GRK3: variants seen among roughly 807,000 people sequenced by gnomAD.
GRK3 encodes the protein adrenergic, beta, receptor kinase 2.
In GRK3, 54 loss-of-function variants were observed where a neutral mutation model predicts 95.7. The ratio of observed to expected loss-of-function variants is 0.56; its 90% CI spans 0.45 to 0.71. The LOEUF is 0.71. Among genes scored for constraint, GRK3 ranks in the 30% least tolerant of loss-of-function variants. GRK3 has a pLI of 0.00. For synonymous variants in GRK3, 281 were observed against 290.8 expected, an observed-to-expected ratio of 0.97 and a Z score of 0.34; for missense variants, 649 against 851.2, an observed-to-expected ratio of 0.76 and a Z score of 2.96.
chr22:25,606,421 C>T (rs1304364969), intron 2 of GRK3, among the ~76,000 whole-genome samples: 1 of 152,162 alleles, frequency 6.6e-6, no homozygotes, highest in Admixed American at 6.5e-5. Context: ...CCGTTTTTCT[C>T]TGTAGTAGTC....
rs369407552 is a variant in GRK3, at chr22:25,725,897, C to T, written c.*3447C>T. The T allele has an allele frequency of 1.9e-5, 5 of 262,548 alleles. No homozygotes were observed. The highest frequency in any genetic ancestry group is 1.7e-4 in the South Asian group (1 of 5,776). 16.3% of individuals were successfully genotyped at this position (262,548 alleles called of 1,614,324 possible). On this transcript the variant is annotated 3_prime_UTR_variant, in exon 21 of 21. Transcript: ENST00000324198. The stretch of plus-strand genomic sequence containing the variant: ...CCGGGAGGCAGAGCTTGCAGTGAGC[C>T]GAGATTGCGCCACTGCACTCCAGCC...
rs762665668 is a variant in GRK3 at position 25,678,808 on chromosome 22, G to C, written c.648-8G>C. 2.3e-5 allele frequency: 35 copies of C among 1,511,928 alleles called. No individual in the cohort carries two copies. The African/African-American group carries it at 3.8e-4, about 16-fold the overall frequency. The allele number at this position is 1,511,928 out of a possible 1,614,324, so 93.7% of individuals were successfully genotyped here. On this transcript the variant is annotated splice_region_variant and splice_polypyrimidine_tract_variant and intron_variant, in intron 8 of 20. Transcript: ENST00000324198. ...GGCATAGATTTTTCAATAAATTTAT[G>C]TTTCTAGGTATGCAATGAAATGCTT...
At chr22:25,693,307 AG>A (rs763451933) in intron 12 of GRK3, among the ~76,000 whole-genome samples, 3 of 152,200 alleles carry the variant, frequency 2.0e-5, no homozygotes, top group African/African-American at 2.4e-5. Flanking sequence ...AGGCAGTCCA[AG>A]GTTGAGTTTT....
At chr22:25,573,455 A>G (rs1384118131) in intron 1 of GRK3, among the ~76,000 whole-genome samples, 1 of 152,188 alleles carries the variant, frequency 6.6e-6, no homozygotes, top group Non-Finnish European at 1.5e-5. Context: ...GAAGCCAGGT[A>G]TGGGTTACAT....
intron 2 of GRK3, among the ~76,000 whole-genome samples, chr22:25,608,763 C>A (rs905404509): frequency 6.6e-6 from 1 of 152,222 alleles, no homozygotes; most frequent in Non-Finnish European, 1.5e-5. Context: ...GGCTGACCGA[C>A]ACCTTGAATT....
intron 3 of GRK3, chr22:25,649,208 A>G: frequency 7.7e-7 from 1 of 1,302,796 alleles, no homozygotes; most frequent in Non-Finnish European, 1.1e-6. Context: ...CTACAGAGCC[A>G]TAGTACCAGC....
At chr22:25,655,232 G>T (rs1168770785) in intron 3 of GRK3, among the ~76,000 whole-genome samples, 1 of 151,962 alleles carries the variant, frequency 6.6e-6, no homozygotes, top group African/African-American at 2.4e-5. Context: ...GCGTATCCTG[G>T]CATTCAAAGT....
chr22:25,698,647 G>T (rs911673105), intron 13 of GRK3, among the ~76,000 whole-genome samples: 5 of 152,300 alleles, frequency 3.3e-5, no homozygotes, highest in African/African-American at 1.2e-4. Flanking sequence ...ATGCAGTGCT[G>T]GGAAGTTTGA....
At chr22:25,681,322 C>T (rs1329512031) in intron 9 of GRK3, among the ~76,000 whole-genome samples, 1 of 152,142 alleles carries the variant, frequency 6.6e-6, no homozygotes, top group South Asian at 2.1e-4. Context: ...GGACCTGTGG[C>T]AAGAGCTATG....
chr22:25,701,184 T>C (rs1005615741), intron 13 of GRK3, among the ~76,000 whole-genome samples: 9 of 152,228 alleles, frequency 5.9e-5, no homozygotes, highest in Non-Finnish European at 1.2e-4. Context: ...CCTTGTAAGC[T>C]GTTGACAGGC....
chr22:25,624,282 G>A (rs1358953507), intron 2 of GRK3, among the ~76,000 whole-genome samples: 4 of 152,132 alleles, frequency 2.6e-5, no homozygotes, highest in African/African-American at 9.7e-5. Flanking sequence ...CCTGATTTCT[G>A]GCCAGGCGCG....
At chr22:25,711,525 C>A (rs980819146) in intron 17 of GRK3, among the ~76,000 whole-genome samples, 1 of 152,146 alleles carries the variant, frequency 6.6e-6, no homozygotes, top group African/African-American at 2.4e-5. Context: ...TTTTAGATCT[C>A]CCCGTGTTAG....
intron 1 of GRK3, among the ~76,000 whole-genome samples, chr22:25,603,650 A>C (rs970155388): frequency 6.6e-6 from 1 of 152,196 alleles, no homozygotes; most frequent in African/African-American, 2.4e-5. Context: ...GAAAAACCCT[A>C]TTGGAATGTT....
At chr22:25,711,939 G>C (rs1013654185) in intron 17 of GRK3, among the ~76,000 whole-genome samples, 6 of 152,246 alleles carry the variant, frequency 3.9e-5, no homozygotes, top group East Asian at 1.9e-4. Context: ...GTAAATAAAA[G>C]AGTGACAAGT....
chr22:25,622,293 C>T (rs1348576267), intron 2 of GRK3, among the ~76,000 whole-genome samples: 1 of 152,162 alleles, frequency 6.6e-6, no homozygotes, highest in Admixed American at 6.5e-5. Context: ...GAACACTGAC[C>T]TTGGGCGGGA....
intron 1 of GRK3, 77 bp downstream of exon 1, chr22:25,565,230 G>A (rs1347459626): frequency 1.4e-6 from 1 of 706,284 alleles, no homozygotes; most frequent in Non-Finnish European, 2.1e-6. Context: ...CTTCCTGGAG[G>A]GTCGGGCGCT....
intron 1 of GRK3, among the ~76,000 whole-genome samples, chr22:25,587,686 C>T (rs1932360920): frequency 6.6e-6 from 1 of 152,198 alleles, no homozygotes; most frequent in African/African-American, 2.4e-5. Flanking sequence ...TAATTCCCAC[C>T]TGTGGTGGGA....
chr22:25,667,950 T>A (rs2084953536), intron 6 of GRK3, 150 bp downstream of exon 6: 3 of 574,218 alleles, frequency 5.2e-6, no homozygotes, highest in Admixed American at 3.1e-5. Context: ...TGTTAAACTG[T>A]TTCCTCAGTA....
chr22:25,582,166 A>G (rs1366464527), intron 1 of GRK3, among the ~76,000 whole-genome samples: 2 of 151,948 alleles, frequency 1.3e-5, no homozygotes, highest in African/African-American at 4.8e-5. Context: ...AATCCCAGCT[A>G]CTCAGGAGGC....
Sources: gnomAD v4.1 joint callset for allele counts (sites outside exome capture counted in the v4.1 genomes callset) on GRCh38, gnomAD v4.1.1 for gene constraint, MANE v1.5 for transcripts, NCBI Gene and HGNC (gene_info 2026-07-23, HGNC 2026-07-21) for gene names.